The following HOGA1 variants were observed in gnomAD, a reference collection of about 807,000 sequenced individuals.
HOGA1 encodes the protein 4-hydroxy-2-oxoglutarate aldolase, mitochondrial.
A neutral mutation model predicts 34.3 loss-of-function variants in HOGA1; 30 were observed. The ratio of observed to expected loss-of-function variants is 0.87; its 90% CI spans 0.65 to 1.19. The LOEUF (loss-of-function observed/expected upper bound fraction) is 1.19, where lower values mean the gene tolerates loss of function less well. Among genes scored for constraint, HOGA1 ranks in the 50% most tolerant of loss-of-function variants. The probability of loss-of-function intolerance (pLI) is 0.00; values close to 1 mark genes in which losing one functional copy is unlikely to be tolerated. For missense variants in HOGA1, 417 were observed against 436.5 expected, an observed-to-expected ratio of 0.96 and a Z score of 0.40; for synonymous variants, 161 against 174.0, an observed-to-expected ratio of 0.93 and a Z score of 0.59.
In HOGA1 at chr10:97,584,564, G is replaced by T; in HGVS notation, c.-140G>T. On this transcript the variant is annotated 5_prime_UTR_variant, in exon 1 of 7. The change creates a new upstream start codon in the 5' untranslated region. Transcript: ENST00000370646. ...CCTGACCCTGGGAACACCCAGCTCA[G>T]GCCTGCCCCAGTGGCCACAAGTCAG... The T allele has an allele frequency of 1.3e-6, 1 of 753,126 alleles. No homozygotes were observed. The highest frequency in any genetic ancestry group is 2.2e-6 in the Non-Finnish European group (1 of 449,618). The allele number at this position is 753,126 out of a possible 1,614,324, so 46.7% of individuals were successfully genotyped here. A position where few individuals can be genotyped will look rare whatever the true frequency, so the allele number is the denominator to read the frequency against.
Position 97,600,122 on chromosome 10 carries a change from T to C in HOGA1, c.659T>C (p.Leu220Ser). 1 of 1,614,180 alleles carries C rather than the reference T, an allele frequency of 6.2e-7. No individual in the cohort carries two copies. Among genetic ancestry groups the C allele is most frequent in the Non-Finnish European group, 8.5e-7 (1 of 1,180,034 alleles). ...HKTRKQDFQV[L>S]AGSAGFLMAS... The stretch of plus-strand genomic sequence containing the variant: ...ACCAGGAAGCAGGATTTTCAGGTGT[T>C]GGCTGGATCGGCTGGCTTTCTGATG... The change falls in exon 5 of 7, where the codon TTG (leucine) becomes TCG (serine). Residue 220 changes from leucine (L) to serine (S), a missense_variant. Leu to Ser is a moderately radical substitution (Grantham distance 145, BLOSUM62 -2). Coordinates refer to ENST00000370646, the MANE Select transcript of HOGA1 (RefSeq NM_138413.4).
intron 6 of HOGA1, among the ~76,000 whole-genome samples, chr10:97,607,077 C>T (rs939213140): frequency 1.2e-4 from 17 of 146,946 alleles, no homozygotes; most frequent in Non-Finnish European, 2.4e-4. Flanking sequence ...TGAGACCCAC[C>T]TGGGCAACAT....
intron 6 of HOGA1, 136 bp downstream of exon 6, chr10:97,602,126 T>C (rs1427080988): frequency 1.8e-5 from 28 of 1,549,754 alleles, no homozygotes; most frequent in East Asian, 2.4e-5. Context: ...AACATCCCAG[T>C]GTGGGAACTC....
At chr10:97,584,984 G>A (rs930035823) in intron 1 of HOGA1, 70 bp downstream of exon 1, 6 of 1,315,612 alleles carry the variant, frequency 4.6e-6, no homozygotes, top group South Asian at 1.2e-5. Context: ...CCAAGGGAGG[G>A]TACACAGGCT....
At chr10:97,593,972 G>A (rs1014361855) in intron 1 of HOGA1, among the ~76,000 whole-genome samples, 18 of 151,418 alleles carry the variant, frequency 1.2e-4, no homozygotes, top group Non-Finnish European at 5.9e-5. Flanking sequence ...GGGTTCAAGC[G>A]ATTCTCCTGC....
chr10:97,608,945 T>A (rs1237638427), intron 6 of HOGA1, among the ~76,000 whole-genome samples: 1 of 152,038 alleles, frequency 6.6e-6, no homozygotes, highest in East Asian at 1.9e-4. Flanking sequence ...AATATTTTGT[T>A]TGGGTAAAGT....
chr10:97,610,372 G>C (rs183547390), intron 6 of HOGA1, among the ~76,000 whole-genome samples: 44 of 152,314 alleles, frequency 2.9e-4, no homozygotes, highest in African/African-American at 1.0e-3. Flanking sequence ...GGAGGCTGAG[G>C]TGGGAGAATC....
At chr10:97,594,423 T>C (rs1357249309) in intron 1 of HOGA1, among the ~76,000 whole-genome samples, 1 of 151,558 alleles carries the variant, frequency 6.6e-6, no homozygotes. Flanking sequence ...AGCCCAATCT[T>C]GGCTCACTGC....
At chr10:97,591,817 T>TG (rs2041026600) in intron 1 of HOGA1, among the ~76,000 whole-genome samples, 1 of 111,056 alleles carries the variant, frequency 9.0e-6, no homozygotes, top group African/African-American at 3.6e-5. Context: ...TTCTTTCATT[T>TG]TGTGTGTGTG....
In HOGA1 at chr10:97,584,660, C is replaced by T; in HGVS notation, c.-44C>T. On this transcript the variant is annotated 5_prime_UTR_variant, in exon 1 of 7. Coordinates refer to ENST00000370646, the MANE Select transcript of HOGA1 (RefSeq NM_138413.4). ...GTTAGAAAGAGTTCAAACTAAGTCT[C>T]ACTCTGGGACATAGACCAATTGTGC... The T allele has an allele frequency of 1.3e-6, 2 of 1,486,338 alleles. No individual in the cohort carries two copies. The allele number at this position is 1,486,338 out of a possible 1,614,324, so 92.1% of individuals were successfully genotyped here. A position where few individuals can be genotyped will look rare whatever the true frequency, so the allele number is the denominator to read the frequency against.
At chr10:97,611,395 C>A in intron 6 of HOGA1, 115 bp from the exon 7 acceptor site, 1 of 1,264,912 alleles carries the variant, frequency 7.9e-7, no homozygotes, top group Non-Finnish European at 1.1e-6. Flanking sequence ...TTGGCAGTTA[C>A]TTTCCTGGGG....
At chr10:97,589,749 A>T in intron 1 of HOGA1, 1 of 683,066 alleles carries the variant, frequency 1.5e-6, no homozygotes, top group Non-Finnish European at 2.6e-6. Flanking sequence ...TGCCCTTTCA[A>T]GCATGAATCA....
chr10:97,588,444 C>T (rs1240134162), intron 1 of HOGA1, among the ~76,000 whole-genome samples: 3 of 151,916 alleles, frequency 2.0e-5, no homozygotes, highest in African/African-American at 7.3e-5. Flanking sequence ...CTCCTGACCT[C>T]GTGATCGTCC....
At chr10:97,599,615 G>A in intron 3 of HOGA1, 65 bp from the exon 4 acceptor site, 2 of 1,606,108 alleles carry the variant, frequency 1.2e-6, no homozygotes, top group Non-Finnish European at 1.7e-6. Flanking sequence ...GGGTGGGCAA[G>A]TCTCTGGCTC....
intron 1 of HOGA1, among the ~76,000 whole-genome samples, chr10:97,588,961 C>T (rs1163412198): frequency 6.6e-6 from 1 of 152,146 alleles, no homozygotes; most frequent in African/African-American, 2.4e-5. Context: ...TTGTCTGCAC[C>T]TATGGAAAGC....
Position 97,612,351 on chromosome 10 carries a change from C to G in HOGA1, c.*692C>G, listed in dbSNP as rs2041204921. The G allele has an allele frequency of 6.6e-6, 1 of 152,308 alleles. No individual in the cohort carries two copies. The highest frequency in any genetic ancestry group is 2.4e-5 in the African/African-American group (1 of 41,422). 9.4% of individuals were successfully genotyped at this position (152,308 alleles called of 1,614,324 possible). A position where few individuals can be genotyped will look rare whatever the true frequency, so the allele number is the denominator to read the frequency against. On this transcript the variant is annotated 3_prime_UTR_variant, in exon 7 of 7. Coordinates refer to ENST00000370646, the MANE Select transcript of HOGA1 (RefSeq NM_138413.4). ...TAGATTTGGGGCTTCAAACCTGAGT[C>G]TAGCACAATGCAGCTGGAGGCCAGG...
chr10:97,586,147 A>AG lies in HOGA1; in HGVS notation c.211+1233_211+1234insG, dbSNP rs557317214. 1.3e-4 allele frequency among the ~76,000 whole-genome samples: 20 copies of AG among 152,102 alleles called. No homozygotes were observed. The East Asian group carries it at 3.9e-3, about 29-fold the overall frequency. ...GCAAGACTCCATCTCAAAAAAAAAAAAAAAAATCAAATCACATCTCTGGCA... is the reference window on the plus strand; with the variant it reads ...GCAAGACTCCATCTCAAAAAAAAAAAGAAAAAATCAAATCACATCTCTGGCA... On this transcript the variant is annotated intron_variant, in intron 1 of 6. Transcript: ENST00000370646.
intron 1 of HOGA1, among the ~76,000 whole-genome samples, chr10:97,594,599 C>T (rs1027762478): frequency 2.0e-5 from 3 of 152,020 alleles, no homozygotes; most frequent in African/African-American, 4.8e-5. Flanking sequence ...GTGGTTCGCC[C>T]GCCTCGGCGT....
chr10:97,610,602 T>C (rs1480693580), intron 6 of HOGA1, among the ~76,000 whole-genome samples: 4 of 152,174 alleles, frequency 2.6e-5, no homozygotes, highest in Admixed American at 2.6e-4. Context: ...CTGGCCAACA[T>C]GGCGAAGCCC....
Sources: gnomAD v4.1 joint callset for allele counts (sites outside exome capture counted in the v4.1 genomes callset) on GRCh38, gnomAD v4.1.1 for gene constraint, MANE v1.5 for transcripts, NCBI Gene and HGNC (gene_info 2026-07-23, HGNC 2026-07-21) for gene names.